Variants in LMCD1 observed in about 807,000 individuals in gnomAD.
LMCD1 encodes LIM and cysteine-rich domains protein 1.
LMCD1 carries 32 observed loss-of-function variants against 42.7 expected under a neutral mutation model. The ratio of observed to expected loss-of-function variants is 0.75; its 90% CI spans 0.57 to 1.01. The LOEUF is 1.01. LMCD1 is among the 50% of genes least tolerant of loss of function. The pLI, the probability that LMCD1 is intolerant of heterozygous loss-of-function variation, is 0.00. For synonymous variants in LMCD1, 178 were observed against 184.9 expected (o/e 0.96, Z 0.30); for missense variants, 458 against 483.1 (o/e 0.95, Z 0.49).
chr3:8,522,099 G>T (rs372063622), intron 1 of LMCD1, among the ~76,000 whole-genome samples: 1 of 152,274 alleles, frequency 6.6e-6, no homozygotes, highest in South Asian at 2.1e-4. Flanking sequence ...AGATGGGTTG[G>T]GGGGAGGCAG....
intron 5 of LMCD1, 91 bp from the exon 6 acceptor site, chr3:8,567,349 A>T: frequency 7.6e-7 from 1 of 1,316,762 alleles, no homozygotes; most frequent in South Asian, 1.5e-5. Context: ...ATAGGATGGG[A>T]TGAACCACCA....
chr3:8,518,791 G>A (rs1348752624), intron 1 of LMCD1, among the ~76,000 whole-genome samples: 1 of 152,174 alleles, frequency 6.6e-6, no homozygotes. Context: ...GGGGAGAGAA[G>A]AAAGTTATTG....
At chr3:8,510,092 A>G (rs896035907) in intron 1 of LMCD1, among the ~76,000 whole-genome samples, 2 of 152,216 alleles carry the variant, frequency 1.3e-5, no homozygotes, top group Non-Finnish European at 2.9e-5. Flanking sequence ...TAATGACCTC[A>G]TAAGAAACCT....
Position 8,573,470 on chromosome 3 carries a change from C to T in LMCD1, c.*5872C>T, listed in dbSNP as rs528287961. 3 of 152,294 alleles carry T rather than the reference C, an allele frequency of 2.0e-5. No individual in the cohort carries two copies. The highest frequency in any genetic ancestry group is 4.4e-5 in the Non-Finnish European group (3 of 68,026). 9.4% of individuals were successfully genotyped at this position (152,294 alleles called of 1,614,324 possible). A position where few individuals can be genotyped will look rare whatever the true frequency, so the allele number is the denominator to read the frequency against. On this transcript the variant is annotated 3_prime_UTR_variant, in exon 6 of 6. Transcript: ENST00000157600. ...GCAATAGTGACATGAGCACTTGACT[C>T]GCTGGGTTATCAGGCTTTGGCTCCA...
At chr3:8,527,575 C>A (rs1694324197) in intron 1 of LMCD1, among the ~76,000 whole-genome samples, 1 of 152,202 alleles carries the variant, frequency 6.6e-6, no homozygotes, top group Non-Finnish European at 1.5e-5. Flanking sequence ...CAGCTTCTCT[C>A]CCAGAACCCC....
At chr3:8,502,306 TATATAAAATATATA>T (rs1559342067) in intron 1 of LMCD1, among the ~76,000 whole-genome samples, 2 of 34,036 alleles carry the variant, frequency 5.9e-5, no homozygotes, top group African/African-American at 1.4e-4. Flanking sequence ...TTATATATAA[TATATAAAATATATA>T]TTATATATAA....
chr3:8,517,857 CAT>C (rs778995517), intron 1 of LMCD1, among the ~76,000 whole-genome samples: 23 of 151,952 alleles, frequency 1.5e-4, no homozygotes, highest in South Asian at 4.2e-4. Flanking sequence ...TGTTTTTAAA[CAT>C]GTGTTTAAAG....
At chr3:8,546,201 T>C (rs1694732447) in intron 3 of LMCD1, among the ~76,000 whole-genome samples, 1 of 152,160 alleles carries the variant, frequency 6.6e-6, no homozygotes, top group African/African-American at 2.4e-5. Flanking sequence ...TCCAATCTTT[T>C]GGCTCCTCTG....
chr3:8,561,940 A>G (rs1324567112), intron 4 of LMCD1, among the ~76,000 whole-genome samples: 1 of 152,174 alleles, frequency 6.6e-6, no homozygotes, highest in African/African-American at 2.4e-5. Flanking sequence ...GAGAATGTCA[A>G]GTTCCCATTC....
chr3:8,526,462 C>G (rs1054159325), intron 1 of LMCD1, among the ~76,000 whole-genome samples: 21 of 151,172 alleles, frequency 1.4e-4, no homozygotes, highest in Non-Finnish European at 1.8e-4. Context: ...AGTTCTACAT[C>G]CTAGGCACCA....
At chr3:8,555,414 G>A (rs1173890016) in intron 4 of LMCD1, among the ~76,000 whole-genome samples, 1 of 152,200 alleles carries the variant, frequency 6.6e-6, no homozygotes, top group Non-Finnish European at 1.5e-5. Flanking sequence ...CCCCATCTGA[G>A]CTGGAGGACA....
At chr3:8,545,286 G>T (rs1694713843) in intron 3 of LMCD1, among the ~76,000 whole-genome samples, 1 of 152,042 alleles carries the variant, frequency 6.6e-6, no homozygotes, top group South Asian at 2.1e-4. Flanking sequence ...AGTTTTGAGA[G>T]AAACAAAATT....
intron 2 of LMCD1, among the ~76,000 whole-genome samples, chr3:8,533,606 C>T (rs1694454617): frequency 6.6e-6 from 1 of 152,124 alleles, no homozygotes; most frequent in Non-Finnish European, 1.5e-5. Context: ...AAGGTGTTTT[C>T]GCAGCAATAC....
chr3:8,532,706 G>A (rs1255068944), intron 1 of LMCD1, 31 bp from the exon 2 acceptor site: 1 of 1,602,606 alleles, frequency 6.2e-7, no homozygotes, highest in South Asian at 1.1e-5. Context: ...TGTTTGGAAG[G>A]AAAACACCCT....
intron 1 of LMCD1, among the ~76,000 whole-genome samples, chr3:8,520,882 G>C (rs1317597980): frequency 6.6e-6 from 1 of 152,170 alleles, no homozygotes; most frequent in African/African-American, 2.4e-5. Context: ...TCCTCTCACT[G>C]ACTGAATTAA....
At chr3:8,534,831 G>C (rs770498887) in intron 2 of LMCD1, among the ~76,000 whole-genome samples, 22 of 151,998 alleles carry the variant, frequency 1.4e-4, no homozygotes, top group Non-Finnish European at 1.9e-4. Flanking sequence ...TGAGAGGGGT[G>C]GATCACTCAT....
At chr3:8,543,492 C>CAGAT (rs572117468) in intron 3 of LMCD1, among the ~76,000 whole-genome samples, 605 of 152,052 alleles carry the variant, frequency 4.0e-3, no homozygotes, top group South Asian at 0.011. Context: ...GACAGACAGA[C>CAGAT]AGATAGATAG....
At chr3:8,561,646 C>T (rs1695039408) in intron 4 of LMCD1, among the ~76,000 whole-genome samples, 1 of 152,208 alleles carries the variant, frequency 6.6e-6, no homozygotes, top group African/African-American at 2.4e-5. Flanking sequence ...CTTTGCCTCC[C>T]ATCAGCTGTG....
chr3:8,504,114 T>A (rs9312022), intron 1 of LMCD1, among the ~76,000 whole-genome samples: 59,902 of 151,944 alleles, frequency 0.39, 12,956 homozygotes, highest in Non-Finnish European at 0.5. Flanking sequence ...AAGGGCAGAT[T>A]TTTTTTATCT....
Sources: allele counts gnomAD v4.1 joint callset (sites outside exome capture counted in the v4.1 genomes callset), GRCh38; gene constraint gnomAD v4.1.1; transcripts MANE v1.5; gene names NCBI Gene and HGNC (gene_info 2026-07-23, HGNC 2026-07-21).